Variants in TXNRD1 observed in about 807,000 individuals in gnomAD.
TXNRD1 encodes the protein thioredoxin reductase 1, also known as thioredoxin reductase 1, cytoplasmic.
Under a neutral mutation model 80.3 loss-of-function variants are expected in TXNRD1, and 57 were observed. The ratio of observed to expected loss-of-function variants is 0.71; its 90% CI spans 0.57 to 0.89. The LOEUF is 0.89. Among genes scored for constraint, TXNRD1 ranks in the 40% least tolerant of loss-of-function variants. The pLI is 0.00. For missense variants in TXNRD1, 730 were observed against 803.0 expected (o/e 0.91, Z 1.10); for synonymous variants, 291 against 285.2 (o/e 1.02, Z -0.20).
At chr12:104,317,456 T>C (rs1314569773) in intron 7 of TXNRD1, among the ~76,000 whole-genome samples, 1 of 151,424 alleles carries the variant, frequency 6.6e-6, no homozygotes, top group African/African-American at 2.4e-5. Flanking sequence ...ATATCCATGA[T>C]CTATCTGTTC....
At chr12:104,325,279 A>C in intron 10 of TXNRD1, 58 bp from the exon 11 acceptor site, 2 of 1,359,404 alleles carry the variant, frequency 1.5e-6, no homozygotes, top group Non-Finnish European at 2.1e-6. Flanking sequence ...AGGGGAAGGT[A>C]GAGAATCCAA....
At chr12:104,282,293 T>C (rs1159960045) in intron 3 of TXNRD1, among the ~76,000 whole-genome samples, 1 of 152,224 alleles carries the variant, frequency 6.6e-6, no homozygotes, top group African/African-American at 2.4e-5. Flanking sequence ...ATAAAGCTGG[T>C]CTCAGGTTAC....
chr12:104,261,679 G>A (rs914431942), intron 3 of TXNRD1, among the ~76,000 whole-genome samples: 3 of 152,004 alleles, frequency 2.0e-5, no homozygotes, highest in Non-Finnish European at 4.4e-5. Context: ...AGCAAATATG[G>A]GAATCTAGTT....
At chr12:104,271,350 T>TA (rs2033648837) in intron 3 of TXNRD1, among the ~76,000 whole-genome samples, 3 of 151,950 alleles carry the variant, frequency 2.0e-5, no homozygotes, top group Admixed American at 1.3e-4. Context: ...TAATTTTTTG[T>TA]GTTTTTTTAG....
intron 1 of TXNRD1, among the ~76,000 whole-genome samples, chr12:104,239,297 G>T (rs1298801433): frequency 3.3e-5 from 5 of 151,678 alleles, no homozygotes; most frequent in African/African-American, 1.2e-4. Context: ...GGGTTCAAGC[G>T]ATTCTTCTGT....
intron 8 of TXNRD1, 49 bp from the exon 9 acceptor site, chr12:104,319,421 T>C (rs1483387323): frequency 8.1e-7 from 1 of 1,241,938 alleles, no homozygotes; most frequent in Non-Finnish European, 1.1e-6. Flanking sequence ...AAGTTTACAA[T>C]TCTGAGGAAT....
rs1685734749 is a variant in TXNRD1, at chr12:104,348,743, T to G, written c.*322T>G. 1 of 283,568 alleles carries G rather than the reference T, an allele frequency of 3.5e-6. No homozygotes were observed. 17.6% of individuals were successfully genotyped at this position (283,568 alleles called of 1,614,324 possible). Reference sequence around the variant, plus strand: ...AAATCAGTTTTAGCATGACCTTTCCTTGTGGATTTTCTTATTCTCGTTGTC... The same window carrying G: ...AAATCAGTTTTAGCATGACCTTTCCGTGTGGATTTTCTTATTCTCGTTGTC... On this transcript the variant is annotated 3_prime_UTR_variant, in exon 17 of 17. Coordinates refer to ENST00000525566, the MANE Select transcript of TXNRD1 (RefSeq NM_001093771.3).
chr12:104,234,906 C>G (rs1440149069), intron 1 of TXNRD1, among the ~76,000 whole-genome samples: 2 of 152,130 alleles, frequency 1.3e-5, no homozygotes, highest in African/African-American at 4.8e-5. Context: ...AATTGGAACT[C>G]CTTTCTATGG....
chr12:104,332,843 G>A (rs1436814463), intron 14 of TXNRD1, among the ~76,000 whole-genome samples: 1 of 150,462 alleles, frequency 6.6e-6, no homozygotes, highest in Non-Finnish European at 1.5e-5. Context: ...AATTCATGAA[G>A]AGATAACTGC....
intron 4 of TXNRD1, among the ~76,000 whole-genome samples, chr12:104,301,394 G>A (rs2034620809): frequency 6.6e-6 from 1 of 152,108 alleles, no homozygotes; most frequent in Non-Finnish European, 1.5e-5. Flanking sequence ...CTGGAGTGCA[G>A]TGGCGCGATC....
chr12:104,348,546 G>A lies in TXNRD1; in HGVS notation c.*125G>A, dbSNP rs766603437. Reference sequence around the variant, plus strand: ...ACCTGCGTGTCCTGTGCTTACCACCGCCCAAGGCCCCCTTGGATCTCTTGG... The same window carrying A: ...ACCTGCGTGTCCTGTGCTTACCACCACCCAAGGCCCCCTTGGATCTCTTGG... On this transcript the variant is annotated 3_prime_UTR_variant, in exon 17 of 17. Transcript: ENST00000525566. The A allele has an allele frequency of 1.2e-5, 10 of 818,062 alleles. No individual in the cohort carries two copies. The highest frequency in any genetic ancestry group is 1.8e-5 in the Non-Finnish European group (9 of 503,956). 50.7% of individuals were successfully genotyped at this position (818,062 alleles called of 1,614,324 possible).
In TXNRD1 at chr12:104,267,690, TTTCTTTCTTTCTCTCTTTC is replaced by T. The variant is rs1565870217; in HGVS notation, c.304+9614_304+9632del. On this transcript the variant is annotated intron_variant, in intron 3 of 16. Coordinates refer to ENST00000525566, the MANE Select transcript of TXNRD1 (RefSeq NM_001093771.3). Reference sequence around the variant, plus strand: ...CTTTCTTTCTTTCTTTCTTTCTTTCTTTCTTTCTTTCTCTCTTTCTTTCTTTCTTTCTCTTTCTTTCTTT... The same window carrying T: ...CTTTCTTTCTTTCTTTCTTTCTTTCTTTTCTTTCTTTCTCTTTCTTTCTTT... Among the ~76,000 whole-genome samples the T allele has an allele frequency of 1.0e-4, 4 of 39,814 alleles. 1 individual carries two copies. The highest frequency in any genetic ancestry group is 3.0e-4 in the African/African-American group (4 of 13,148). The allele number at this position is 39,814 out of a possible 152,430, so 26.1% of individuals were successfully genotyped here.
At chr12:104,242,845 A>G (rs567364203) in intron 1 of TXNRD1, among the ~76,000 whole-genome samples, 3 of 152,302 alleles carry the variant, frequency 2.0e-5, no homozygotes, top group African/African-American at 7.2e-5. Flanking sequence ...ATCATGAACC[A>G]TTCCATAAAC....
chr12:104,219,217 C>T (rs1465100904), intron 1 of TXNRD1, among the ~76,000 whole-genome samples: 1 of 152,152 alleles, frequency 6.6e-6, no homozygotes, highest in Non-Finnish European at 1.5e-5. Context: ...AAGTATACTG[C>T]ACCAGGCCCA....
intron 9 of TXNRD1, among the ~76,000 whole-genome samples, chr12:104,320,258 A>AGTTTCTGATT (rs1470287698): frequency 2.0e-5 from 3 of 152,142 alleles, no homozygotes; most frequent in Non-Finnish European, 4.4e-5. Context: ...TTTGCTCAGG[A>AGTTTCTGATT]GTTTCTGATT....
chr12:104,273,260 A>C (rs1328394129), intron 3 of TXNRD1, among the ~76,000 whole-genome samples: 1 of 152,174 alleles, frequency 6.6e-6, no homozygotes, highest in Non-Finnish European at 1.5e-5. Context: ...AGATCCAGCC[A>C]GTGGAAGCCT....
rs765550437 is a variant in TXNRD1, at chr12:104,304,581, C to T, written c.415-6709C>T. On this transcript the variant is annotated intron_variant, in intron 4 of 16. Coordinates refer to ENST00000525566, the MANE Select transcript of TXNRD1 (RefSeq NM_001093771.3). ...TTGGACCTGAGTAGTTATCCAGAAG[C>T]GACAGAAAAAAACGTAGAAAGGATT... 19 of 1,613,812 alleles carry T rather than the reference C, an allele frequency of 1.2e-5. No individual in the cohort carries two copies. Among genetic ancestry groups the T allele is most frequent in the South Asian group, 8.8e-5 (8 of 91,084 alleles).
intron 3 of TXNRD1, among the ~76,000 whole-genome samples, chr12:104,274,711 T>A (rs1474401903): frequency 2.8e-5 from 4 of 140,530 alleles, no homozygotes; most frequent in African/African-American, 5.5e-5. Flanking sequence ...AAAAAAAAAA[T>A]TAATAATAAA....
rs760785470 is a variant in TXNRD1 at position 104,248,051 on chromosome 12, G to A, written c.92-3476G>A. 4.6e-5 allele frequency among the ~76,000 whole-genome samples: 7 copies of A among 152,024 alleles called. 1 individual carries two copies. The South Asian group carries it at 1.2e-3, about 27-fold the overall frequency. ...TACCACGAGGAATGTTTACTTATAC[G>A]TTACTTTTTAAAATAAGAAAAATGG... On this transcript the variant is annotated intron_variant, in intron 1 of 16. Transcript: ENST00000525566.
Sources: allele counts gnomAD v4.1 joint callset (sites outside exome capture counted in the v4.1 genomes callset), GRCh38; gene constraint gnomAD v4.1.1; transcripts MANE v1.5; gene names NCBI Gene and HGNC (gene_info 2026-07-23, HGNC 2026-07-21).